PIEZO2: variants seen among roughly 807,000 people sequenced by gnomAD.
PIEZO2 encodes the protein piezo type mechanosensitive ion channel component 2.
PIEZO2 carries 172 observed loss-of-function variants against 337.3 expected under a neutral mutation model. The observed-to-expected ratio is 0.51, with a 90% confidence interval of 0.45 to 0.58. The LOEUF (loss-of-function observed/expected upper bound fraction) is 0.58, where lower values mean the gene tolerates loss of function less well. Ranked by LOEUF, PIEZO2 falls within the 20% of genes least tolerant of loss-of-function variation. The probability of loss-of-function intolerance (pLI) is 0.00; values close to 1 mark genes in which losing one functional copy is unlikely to be tolerated. For missense variants in PIEZO2, 3,028 were observed against 3,391.3 expected (o/e 0.89, Z 2.66); for synonymous variants, 1,251 against 1,228.5 (o/e 1.02, Z -0.38).
intron 4 of PIEZO2, among the ~76,000 whole-genome samples, chr18:10,909,526 C>G (rs2030270996): frequency 5.1e-5 from 1 of 19,796 alleles, no homozygotes; most frequent in African/African-American, 1.9e-4. Flanking sequence ...ATGATGATGG[C>G]ACTATTCTGG....
chr18:10,930,608 A>C (rs2032019908), intron 3 of PIEZO2, among the ~76,000 whole-genome samples: 1 of 152,238 alleles, frequency 6.6e-6, no homozygotes, highest in Non-Finnish European at 1.5e-5. Flanking sequence ...TAGCCTTGGC[A>C]AAAACAAACC....
Position 10,789,130 on chromosome 18 carries a change from C to T in PIEZO2, c.2118G>A (p.Met706Ile). Reference protein sequence around the residue: ...FFVSFEGKIVMYKIIYMVLFL... With the variant: ...FFVSFEGKIVIYKIIYMVLFL... ...ACAGCACCATGTAGATGATTTTGTA[C>T]ATTACGATTTTACCCTCGAAGCTGA... Residue 706 changes from methionine (M) to isoleucine (I), a missense_variant, in exon 15 of 56, where the codon ATG (methionine) becomes ATA (isoleucine). This residue lies in a region of PIEZO2 where 1,925 missense variants were observed against 2,051.9 expected (regional missense o/e 0.94). Coordinates refer to ENST00000674853, the MANE Select transcript of PIEZO2 (RefSeq NM_001378183.1). 2.0e-6 allele frequency: 3 copies of T among 1,537,278 alleles called. No individual in the cohort carries two copies. Among genetic ancestry groups the T allele is most frequent in the Non-Finnish European group, 2.6e-6 (3 of 1,146,912 alleles).
At chr18:10,958,514 A>C (rs111752117) in intron 3 of PIEZO2, among the ~76,000 whole-genome samples, 2,805 of 152,312 alleles carry the variant, frequency 0.018, 103 homozygotes, top group African/African-American at 0.063. Flanking sequence ...TATATATTTC[A>C]GATTGGTTAA....
At chr18:10,809,260 C>CTTTTTTTTTTTTTTTTTTTTTTTTTTT (rs869210659) in intron 7 of PIEZO2, among the ~76,000 whole-genome samples, 1 of 65,804 alleles carries the variant, frequency 1.5e-5, no homozygotes, top group African/African-American at 5.9e-5. Context: ...CTCTCTCTCT[C>CTTTTTTTTTTTTTTTTTTTTTTTTTTT]TTTTTTTTTT....
intron 4 of PIEZO2, among the ~76,000 whole-genome samples, chr18:10,886,368 A>ATGTGTGTG (rs373877188): frequency 1.3e-4 from 1 of 7,582 alleles, no homozygotes; most frequent in African/African-American, 1.1e-3. Context: ...ACACATATAT[A>ATGTGTGTG]TGTGTGTGTG....
At chr18:10,818,612 T>A (rs976466295) in intron 7 of PIEZO2, among the ~76,000 whole-genome samples, 1 of 152,170 alleles carries the variant, frequency 6.6e-6, no homozygotes, top group Non-Finnish European at 1.5e-5. Flanking sequence ...TACTGAGAAT[T>A]TGCTAAATCA....
chr18:10,874,748 G>C (rs534183190), intron 4 of PIEZO2, among the ~76,000 whole-genome samples: 80 of 152,250 alleles, frequency 5.3e-4, no homozygotes, highest in Non-Finnish European at 1.0e-3. Flanking sequence ...TCATATGTCT[G>C]AGCTAAAAAA....
At chr18:11,118,782 C>A (rs142214466) in intron 1 of PIEZO2, among the ~76,000 whole-genome samples, 17 of 151,512 alleles carry the variant, frequency 1.1e-4, no homozygotes, top group African/African-American at 2.2e-4. Context: ...AGAGAGAGAG[C>A]GACGTAAACC....
chr18:10,936,233 G>C (rs142917551), intron 3 of PIEZO2, among the ~76,000 whole-genome samples: 3 of 152,102 alleles, frequency 2.0e-5, no homozygotes, highest in Non-Finnish European at 4.4e-5. Context: ...TTACTTTCTA[G>C]TCAGCATAGT....
intron 7 of PIEZO2, among the ~76,000 whole-genome samples, chr18:10,836,661 G>A (rs1457280640): frequency 3.3e-5 from 5 of 152,158 alleles, no homozygotes; most frequent in African/African-American, 7.2e-5. Context: ...TGGCTACAAC[G>A]ATATCATTAT....
intron 5 of PIEZO2, 112 bp downstream of exon 5, chr18:10,871,141 G>A: frequency 3.5e-6 from 4 of 1,136,096 alleles, no homozygotes; most frequent in South Asian, 1.7e-5. Context: ...GTCAAGCACT[G>A]TGAATCATAA....
Position 10,672,661 on chromosome 18 carries a change from T to A in PIEZO2, c.8345+29A>T. 6.3e-7 allele frequency: 1 copy of A among 1,598,120 alleles called. No individual in the cohort carries two copies. Among genetic ancestry groups the A allele is most frequent in the South Asian group, 1.1e-5 (1 of 87,704 alleles). Reference sequence around the variant, plus strand: ...TACATGATACAGAAGTAGACTCTTGTAACTGTGAATTGTTCAATGAGTCCT... The same window carrying A: ...TACATGATACAGAAGTAGACTCTTGAAACTGTGAATTGTTCAATGAGTCCT... On this transcript the variant is annotated intron_variant, in intron 55 of 55. Transcript: ENST00000674853. This position sits in a 1 kb window ranked among gnomAD's most constrained non-coding sequence, Gnocchi z 4.7.
rs1257393733 is a variant in PIEZO2 at position 10,673,735 on chromosome 18, G to A, written c.8162-862C>T. ...TGGTGCTTCCCCTGAGAAACATGGT[G>A]GTGAACTATAAACTAAACTGTGTGA... On this transcript the variant is annotated intron_variant, in intron 54 of 55. Transcript: ENST00000674853. The surrounding 1 kb of genome is among the most constrained non-coding windows in gnomAD (Gnocchi z 4.8). 6.6e-6 allele frequency among the ~76,000 whole-genome samples: 1 copy of A among 152,106 alleles called. No individual in the cohort carries two copies. Among genetic ancestry groups the A allele is most frequent in the Admixed American group, 6.5e-5 (1 of 15,274 alleles).
chr18:10,836,265 C>G (rs1209620269), intron 7 of PIEZO2, among the ~76,000 whole-genome samples: 1 of 152,168 alleles, frequency 6.6e-6, no homozygotes, highest in African/African-American at 2.4e-5. Context: ...AGTGAGTAGA[C>G]TCCTGTCTAA....
chr18:11,018,350 T>G (rs577003909), intron 2 of PIEZO2, among the ~76,000 whole-genome samples: 96 of 148,036 alleles, frequency 6.5e-4, no homozygotes, highest in Middle Eastern at 3.7e-3. Context: ...GGTCACATTC[T>G]GAGATCCTGG....
At chr18:10,703,881 CGTTT>C (rs2035449343) in intron 42 of PIEZO2, among the ~76,000 whole-genome samples, 2 of 148,390 alleles carry the variant, frequency 1.3e-5, no homozygotes, top group Non-Finnish European at 3.0e-5. Context: ...TGGAACTTTA[CGTTT>C]ACGTTTAAAA....
intron 18 of PIEZO2, among the ~76,000 whole-genome samples, chr18:10,777,776 C>T (rs2038839768): frequency 6.6e-6 from 1 of 152,058 alleles, no homozygotes; most frequent in South Asian, 2.1e-4. Flanking sequence ...TGACTTGCAC[C>T]TGTGTAGTGT....
intron 7 of PIEZO2, among the ~76,000 whole-genome samples, chr18:10,827,750 A>G (rs576040581): frequency 7.2e-5 from 11 of 152,274 alleles, no homozygotes; most frequent in African/African-American, 2.2e-4. Flanking sequence ...GGCAACTACA[A>G]CCTTGGACAA....
At chr18:10,788,738 G>A (rs2144150245) in intron 15 of PIEZO2, among the ~76,000 whole-genome samples, 1 of 152,176 alleles carries the variant, frequency 6.6e-6, no homozygotes, top group Non-Finnish European at 1.5e-5. Flanking sequence ...ACCACAACTG[G>A]CTAATTTTTT....
Sources: allele counts gnomAD v4.1 joint callset (sites outside exome capture counted in the v4.1 genomes callset), GRCh38; gene constraint gnomAD v4.1.1; regional missense constraint gnomAD v4.1.1; non-coding constraint Gnocchi (gnomAD v3.1); transcripts MANE v1.5; gene names NCBI Gene and HGNC (gene_info 2026-07-23, HGNC 2026-07-21).